TTC13: variants seen among roughly 807,000 people sequenced by gnomAD.
TTC13 encodes tetratricopeptide repeat protein 13.
A neutral mutation model predicts 120.0 loss-of-function variants in TTC13; 62 were observed. That is an observed-to-expected ratio of 0.52 (90% CI 0.42 to 0.64). The LOEUF is 0.64. Ranked by LOEUF, TTC13 falls within the 30% of genes least tolerant of loss-of-function variation. The pLI is 0.00. For missense variants in TTC13, 824 were observed against 1,050.2 expected (o/e 0.78, Z 2.98); for synonymous variants, 384 against 393.5 (o/e 0.98, Z 0.28).
chr1:230,907,025 AAAG>A lies in TTC13; in HGVS notation c.2469-9_2469-7del. The A allele has an allele frequency of 1.4e-6, 2 of 1,421,216 alleles. No individual in the cohort carries two copies. Among genetic ancestry groups the A allele is most frequent in the African/African-American group, 3.0e-5 (2 of 67,242 alleles). 88.0% of individuals were successfully genotyped at this position (1,421,216 alleles called of 1,614,324 possible). On this transcript the variant is annotated splice_region_variant and splice_polypyrimidine_tract_variant and intron_variant, in intron 22 of 22. Transcript: ENST00000366661. ...TCTTATAAGAAGGTGAAATACTGAA[AAAG>A]AAAAACACAAAGTAGCGGCATGAAA...
Position 230,958,611 on chromosome 1 carries a change from T to C in TTC13, c.367-312A>G, listed in dbSNP as rs1275837212. 3.9e-5 allele frequency among the ~76,000 whole-genome samples: 6 copies of C among 152,360 alleles called. No individual in the cohort carries two copies. The South Asian group carries it at 1.0e-3, about 26-fold the overall frequency. On this transcript the variant is annotated intron_variant, in intron 2 of 22. Transcript: ENST00000366661. ...AAGGGTGTTACTGATGATATACAGC[T>C]GGGTGTGACCAGAACATGAGCCCTT... is the stretch of plus-strand genomic sequence containing the variant.
At position 230,931,015 on chromosome 1, in the gene TTC13, T is replaced by C. The variant is rs565911713; in HGVS notation, c.1300+283A>G. ...TGTGATGAGACACAAATATTCCAGA[T>C]GCTTGTCACATTTAGTTCAAAATAT... On this transcript the variant is annotated intron_variant, in intron 11 of 22. Transcript: ENST00000366661. Among the ~76,000 whole-genome samples the C allele has an allele frequency of 2.0e-5, 3 of 152,366 alleles. No homozygotes were observed. In the East Asian group the frequency reaches 5.8e-4, roughly 29 times the overall value.
In TTC13 at chr1:230,943,742, T is replaced by C. The variant is rs1674732604; in HGVS notation, c.672+64A>G. On this transcript the variant is annotated intron_variant, in intron 6 of 22. Transcript: ENST00000366661. ...TTAAAATTTACAAATAATAAAGTAATAGGAAAAAAATTGAGATTCAACTAA... is the reference window on the plus strand; with the variant it reads ...TTAAAATTTACAAATAATAAAGTAACAGGAAAAAAATTGAGATTCAACTAA... The C allele has an allele frequency of 4.5e-6, 6 of 1,346,586 alleles. No homozygotes were observed. In the South Asian group the frequency reaches 6.7e-5, roughly 15 times the overall value. 83.4% of individuals were successfully genotyped at this position (1,346,586 alleles called of 1,614,324 possible).
intron 3 of TTC13, chr1:230,956,532 C>T: frequency 5.2e-6 from 2 of 382,450 alleles, no homozygotes; most frequent in South Asian, 1.9e-5. Context: ...TTTTTATTTC[C>T]TATTTATTAT....
intron 15 of TTC13, among the ~76,000 whole-genome samples, chr1:230,922,840 G>A (rs765864516): frequency 1.2e-4 from 19 of 152,270 alleles, no homozygotes; most frequent in Non-Finnish European, 2.4e-4. Context: ...AGCAGGTGGG[G>A]CTGTATCTCC....
rs188078656 is a variant in TTC13, at chr1:230,976,270, T to C, written c.271+2290A>G. 1.4e-4 allele frequency among the ~76,000 whole-genome samples: 21 copies of C among 152,290 alleles called. No homozygotes were observed. In the East Asian group the frequency reaches 2.7e-3, roughly 20 times the overall value. On this transcript the variant is annotated intron_variant, in intron 1 of 22. Coordinates refer to ENST00000366661, the MANE Select transcript of TTC13 (RefSeq NM_024525.5). ...TGTCTAGACCCTAATGTTGCTCAAA[T>C]GGGTCTCCGGATACAGAGCATCAGC...
At chr1:230,914,427 A>G (rs1292077081) in intron 18 of TTC13, among the ~76,000 whole-genome samples, 1 of 151,674 alleles carries the variant, frequency 6.6e-6, no homozygotes, top group African/African-American at 2.4e-5. Context: ...GATGGAGTTC[A>G]CTCTGTCACC....
intron 4 of TTC13, among the ~76,000 whole-genome samples, chr1:230,946,603 T>C (rs1018365155): frequency 6.6e-6 from 1 of 152,224 alleles, no homozygotes; most frequent in Non-Finnish European, 1.5e-5. Flanking sequence ...TTTAGGTTTC[T>C]AGCTTCTCTT....
At chr1:230,948,571 C>T (rs1313154949) in intron 4 of TTC13, among the ~76,000 whole-genome samples, 1 of 151,792 alleles carries the variant, frequency 6.6e-6, no homozygotes, top group Non-Finnish European at 1.5e-5. Context: ...TAGCTCACTA[C>T]AGCCTCAAAC....
chr1:230,925,912 T>C (rs190554598), intron 12 of TTC13, among the ~76,000 whole-genome samples: 2 of 152,274 alleles, frequency 1.3e-5, no homozygotes, highest in Admixed American at 1.3e-4. Flanking sequence ...GACACCTCTT[T>C]CCATTATTTG....
At chr1:230,976,297 G>A (rs1158892809) in intron 1 of TTC13, among the ~76,000 whole-genome samples, 1 of 152,198 alleles carries the variant, frequency 6.6e-6, no homozygotes, top group Non-Finnish European at 1.5e-5. Flanking sequence ...AGCATCAGCT[G>A]CCCCTCAGGC....
At chr1:230,912,188 G>T (rs528310410) in intron 19 of TTC13, among the ~76,000 whole-genome samples, 1 of 152,058 alleles carries the variant, frequency 6.6e-6, no homozygotes, top group Non-Finnish European at 1.5e-5. Context: ...GGAAAGGGCC[G>T]CCAAGTGCAA....
chr1:230,975,062 A>G (rs141745856), intron 1 of TTC13, among the ~76,000 whole-genome samples: 46 of 152,270 alleles, frequency 3.0e-4, no homozygotes, highest in African/African-American at 1.1e-3. Flanking sequence ...TCTCTGTCTC[A>G]GTTTGTAAAA....
chr1:230,931,906 A>C (rs1394914000), intron 9 of TTC13, 29 bp from the exon 10 acceptor site: 1 of 1,602,540 alleles, frequency 6.2e-7, no homozygotes, highest in East Asian at 2.2e-5. Flanking sequence ...TTATGAATAC[A>C]GTATAGATAT....
chr1:230,968,479 T>C (rs6541247), intron 1 of TTC13, among the ~76,000 whole-genome samples: 108,400 of 152,004 alleles, frequency 0.71, 39,018 homozygotes, highest in African/African-American at 0.8. Context: ...TTATTCCCTT[T>C]CTTCTTAGCA....
chr1:230,933,746 C>T (rs755131769), intron 9 of TTC13, 33 bp downstream of exon 9: 18 of 1,256,496 alleles, frequency 1.4e-5, no homozygotes, highest in Admixed American at 4.4e-5. Context: ...TCTTCAGCCT[C>T]CCTCCTACCC....
At chr1:230,968,215 T>TA (rs36025426) in intron 1 of TTC13, among the ~76,000 whole-genome samples, 31,732 of 142,928 alleles carry the variant, frequency 0.22, 3,820 homozygotes, top group East Asian at 0.4. Flanking sequence ...TTATTGTGGT[T>TA]AAAAAAAAAA....
intron 1 of TTC13, among the ~76,000 whole-genome samples, chr1:230,968,182 G>C (rs1285936181): frequency 2.0e-5 from 1 of 51,206 alleles, no homozygotes; most frequent in East Asian, 3.6e-4. Context: ...TTCCTATGGT[G>C]GTGGGGGGGG....
chr1:230,922,923 T>A (rs1207659084), intron 15 of TTC13, among the ~76,000 whole-genome samples: 1 of 152,188 alleles, frequency 6.6e-6, no homozygotes, highest in Non-Finnish European at 1.5e-5. Context: ...TAAAGTTAGT[T>A]GCTTGAGTCT....
Sources: gnomAD v4.1 joint callset for allele counts (sites outside exome capture counted in the v4.1 genomes callset) on GRCh38, gnomAD v4.1.1 for gene constraint, MANE v1.5 for transcripts, NCBI Gene and HGNC (gene_info 2026-07-23, HGNC 2026-07-21) for gene names.